GPC5: variants seen among roughly 807,000 people sequenced by gnomAD.
GPC5 encodes glypican-5.
A neutral mutation model predicts 53.9 loss-of-function variants in GPC5; 47 were observed. The observed-to-expected ratio is 0.87, with a 90% confidence interval of 0.69 to 1.11. The LOEUF is 1.11. Among genes scored for constraint, GPC5 ranks in the 50% most tolerant of loss-of-function variants. The pLI is 0.00. For synonymous variants in GPC5, 286 were observed against 263.3 expected, an observed-to-expected ratio of 1.09 and a Z score of -0.84; for missense variants, 748 against 713.1, an observed-to-expected ratio of 1.05 and a Z score of -0.56.
At chr13:92,862,265 TC>T (rs1306340786) in intron 7 of GPC5, among the ~76,000 whole-genome samples, 1 of 152,160 alleles carries the variant, frequency 6.6e-6, no homozygotes, top group African/African-American at 2.4e-5. Flanking sequence ...ATCAACCTTA[TC>T]CTGTTCTTGT....
chr13:91,613,910 G>A (rs759630311), intron 2 of GPC5, among the ~76,000 whole-genome samples: 26 of 152,268 alleles, frequency 1.7e-4, no homozygotes, highest in Non-Finnish European at 3.1e-4. Flanking sequence ...TAAAAGTCAG[G>A]AGGAGAAGTA....
At chr13:92,780,721 CA>C (rs969464627) in intron 7 of GPC5, among the ~76,000 whole-genome samples, 2 of 151,864 alleles carry the variant, frequency 1.3e-5, no homozygotes, top group African/African-American at 4.8e-5. Flanking sequence ...CTTTAAATAA[CA>C]GCAATAAAAC....
chr13:92,078,587 T>A (rs1206249837), intron 6 of GPC5, among the ~76,000 whole-genome samples: 6 of 152,206 alleles, frequency 3.9e-5, no homozygotes, highest in Non-Finnish European at 8.8e-5. Context: ...TTTCTTAAAG[T>A]GCTCTGTCAT....
At chr13:91,880,953 G>A (rs1012582173) in intron 5 of GPC5, among the ~76,000 whole-genome samples, 4 of 152,066 alleles carry the variant, frequency 2.6e-5, no homozygotes, top group African/African-American at 9.7e-5. Flanking sequence ...ACCACACAGG[G>A]CTAATTTTTG....
At chr13:92,824,174 C>G (rs1000337989) in intron 7 of GPC5, among the ~76,000 whole-genome samples, 2 of 151,958 alleles carry the variant, frequency 1.3e-5, no homozygotes, top group Non-Finnish European at 2.9e-5. Context: ...TCCATTTCCT[C>G]TTATCATCTT....
chr13:92,079,142 T>C (rs1033214718), intron 6 of GPC5, among the ~76,000 whole-genome samples: 1 of 152,052 alleles, frequency 6.6e-6, no homozygotes, highest in African/African-American at 2.4e-5. Context: ...ACCTCCGCCT[T>C]CTGGTTTCAA....
intron 6 of GPC5, among the ~76,000 whole-genome samples, chr13:91,915,923 C>T (rs1176097168): frequency 6.6e-6 from 1 of 152,072 alleles, no homozygotes; most frequent in Non-Finnish European, 1.5e-5. Context: ...AAGTGTTCAT[C>T]CAGTAATTTC....
chr13:91,450,925 A>G (rs1177242129), intron 2 of GPC5, among the ~76,000 whole-genome samples: 1 of 152,208 alleles, frequency 6.6e-6, no homozygotes, highest in Non-Finnish European at 1.5e-5. Flanking sequence ...ATTGAATTGA[A>G]TAAGTAGCTT....
At chr13:92,514,214 A>G (rs1338473864) in intron 7 of GPC5, among the ~76,000 whole-genome samples, 3 of 146,500 alleles carry the variant, frequency 2.0e-5, no homozygotes, top group African/African-American at 7.6e-5. Flanking sequence ...AATGTAAAAC[A>G]CACACTATTT....
chr13:92,475,034 T>A (rs992029429), intron 7 of GPC5, among the ~76,000 whole-genome samples: 6 of 152,114 alleles, frequency 3.9e-5, no homozygotes, highest in African/African-American at 1.4e-4. Context: ...ACTTTATTTT[T>A]AACTAGTAAA....
intron 7 of GPC5, among the ~76,000 whole-genome samples, chr13:92,609,031 C>T (rs1055097168): frequency 1.3e-5 from 2 of 151,868 alleles, no homozygotes; most frequent in African/African-American, 4.9e-5. Context: ...CTCCTATATG[C>T]AGTTTTCCCC....
intron 7 of GPC5, among the ~76,000 whole-genome samples, chr13:92,232,074 T>C (rs1253624357): frequency 6.6e-6 from 1 of 152,190 alleles, no homozygotes; most frequent in East Asian, 1.9e-4. Flanking sequence ...TAGCACCTTA[T>C]TATTATAAAC....
At chr13:91,740,636 A>G (rs2036912923) in intron 4 of GPC5, among the ~76,000 whole-genome samples, 1 of 152,202 alleles carries the variant, frequency 6.6e-6, no homozygotes, top group African/African-American at 2.4e-5. Flanking sequence ...CATACCAGTT[A>G]CGGAGGTCTC....
chr13:91,669,692 G>C (rs1276721721), intron 2 of GPC5, among the ~76,000 whole-genome samples: 4 of 152,108 alleles, frequency 2.6e-5, no homozygotes, highest in African/African-American at 9.7e-5. Context: ...CAAAGAAGGA[G>C]GTTATTCACT....
chr13:92,798,813 T>C (rs1269882817), intron 7 of GPC5, among the ~76,000 whole-genome samples: 1 of 151,876 alleles, frequency 6.6e-6, no homozygotes, highest in Non-Finnish European at 1.5e-5. Context: ...ACACTCAAAA[T>C]TGTAAGTCAC....
intron 4 of GPC5, among the ~76,000 whole-genome samples, chr13:91,740,366 T>C (rs1024189557): frequency 6.6e-6 from 1 of 152,202 alleles, no homozygotes; most frequent in Admixed American, 6.5e-5. Flanking sequence ...AGAGGTCCCT[T>C]CTGTTAAATA....
intron 2 of GPC5, among the ~76,000 whole-genome samples, chr13:91,570,413 G>A (rs2031729307): frequency 1.3e-5 from 2 of 152,014 alleles, no homozygotes; most frequent in Non-Finnish European, 1.5e-5. Context: ...ATGCTCAACT[G>A]GTATATCTGA....
intron 2 of GPC5, among the ~76,000 whole-genome samples, chr13:91,457,796 A>G (rs943094735): frequency 2.6e-5 from 4 of 152,066 alleles, no homozygotes; most frequent in African/African-American, 9.7e-5. Context: ...GAGCACTGAC[A>G]CGTGGTTGAG....
chr13:92,571,850 G>A (rs1450347041), intron 7 of GPC5, among the ~76,000 whole-genome samples: 3 of 152,072 alleles, frequency 2.0e-5, no homozygotes, highest in East Asian at 1.9e-4. Flanking sequence ...ACTAGCCTGG[G>A]CAACATGGCG....
Sources: gnomAD v4.1 joint callset for allele counts (sites outside exome capture counted in the v4.1 genomes callset) on GRCh38, gnomAD v4.1.1 for gene constraint, MANE v1.5 for transcripts, NCBI Gene and HGNC (gene_info 2026-07-23, HGNC 2026-07-21) for gene names.